SLC35F1: variants seen among roughly 807,000 people sequenced by gnomAD.
SLC35F1 encodes solute carrier family 35 member F1, also known as chromosome 6 open reading frame 169.
Under a neutral mutation model 48.7 loss-of-function variants are expected in SLC35F1, and 14 were observed. The observed-to-expected ratio is 0.29, with a 90% confidence interval of 0.19 to 0.45. The LOEUF (loss-of-function observed/expected upper bound fraction) is 0.45. Among genes scored for constraint, SLC35F1 ranks in the 20% least tolerant of loss-of-function variants. The pLI is 1.00. For missense variants in SLC35F1, 404 were observed against 500.0 expected, an observed-to-expected ratio of 0.81 and a Z score of 1.83; for synonymous variants, 190 against 202.2, an observed-to-expected ratio of 0.94 and a Z score of 0.51.
rs1329104069 is a variant in SLC35F1 at position 118,316,577 on chromosome 6, TAGTA to T, written c.*2327_*2330del. On this transcript the variant is annotated 3_prime_UTR_variant, in exon 8 of 8. Coordinates refer to ENST00000360388, the MANE Select transcript of SLC35F1 (RefSeq NM_001029858.4). ...TTTATGACATTAATTTGTAGACACT[TAGTA>T]AAGTCTTATGAGAAGCAAGTGGATG... is the stretch of plus-strand genomic sequence containing the variant. The T allele has an allele frequency of 2.6e-5, 4 of 152,664 alleles. No individual in the cohort carries two copies. Among genetic ancestry groups the T allele is most frequent in the Non-Finnish European group, 2.9e-5 (2 of 68,044 alleles). 9.5% of individuals were successfully genotyped at this position (152,664 alleles called of 1,614,324 possible).
At chr6:117,987,884 G>T (rs1776867687) in intron 1 of SLC35F1, among the ~76,000 whole-genome samples, 1 of 152,070 alleles carries the variant, frequency 6.6e-6, no homozygotes, top group Non-Finnish European at 1.5e-5. Context: ...TATAAATTTT[G>T]CAGTCCAGGC....
chr6:118,186,043 C>A (rs1774652470), intron 2 of SLC35F1, among the ~76,000 whole-genome samples: 1 of 152,152 alleles, frequency 6.6e-6, no homozygotes, highest in African/African-American at 2.4e-5. Flanking sequence ...CTGCAATATA[C>A]AAGGTTGAGC....
In SLC35F1 at chr6:118,188,379, G is replaced by A. The variant is rs555940651; in HGVS notation, c.349+33759G>A. ...AGCCTGGCCAACATGGTGAAACCCC[G>A]TCTCTACTAAAAATACAAAAAGTAG... On this transcript the variant is annotated intron_variant, in intron 2 of 7. Transcript: ENST00000360388. Among the ~76,000 whole-genome samples the A allele has an allele frequency of 8.5e-5, 13 of 152,064 alleles. No individual in the cohort carries two copies. The South Asian group carries it at 1.5e-3, about 17-fold the overall frequency.
chr6:118,223,343 C>G (rs1775175586), intron 2 of SLC35F1, among the ~76,000 whole-genome samples: 1 of 152,206 alleles, frequency 6.6e-6, no homozygotes, highest in Admixed American at 6.5e-5. Flanking sequence ...CAAGCAGTTA[C>G]TGCGAGCCAG....
chr6:118,179,180 G>A (rs1774536144), intron 2 of SLC35F1, among the ~76,000 whole-genome samples: 1 of 151,948 alleles, frequency 6.6e-6, no homozygotes, highest in Non-Finnish European at 1.5e-5. Flanking sequence ...ACCAATAAGA[G>A]ACCATATATA....
intron 1 of SLC35F1, among the ~76,000 whole-genome samples, chr6:117,934,838 A>C (rs1203592955): frequency 6.6e-6 from 1 of 152,212 alleles, no homozygotes; most frequent in Non-Finnish European, 1.5e-5. Flanking sequence ...CGGGCATGGC[A>C]GCTCTCGCCT....
At chr6:118,154,684 A>C in intron 2 of SLC35F1, 64 bp downstream of exon 2, 1 of 1,463,362 alleles carries the variant, frequency 6.8e-7, no homozygotes, top group Non-Finnish European at 9.2e-7. Context: ...ATGAGCCATG[A>C]CCAGATAACG....
chr6:118,275,805 A>G (rs186553597), intron 5 of SLC35F1, among the ~76,000 whole-genome samples, 190 bp downstream of exon 5: 1 of 152,342 alleles, frequency 6.6e-6, no homozygotes, highest in East Asian at 1.9e-4. Flanking sequence ...AGTTTAATAT[A>G]AATTTTTACA....
At chr6:118,144,174 T>C (rs1268280488) in intron 1 of SLC35F1, among the ~76,000 whole-genome samples, 1 of 152,062 alleles carries the variant, frequency 6.6e-6, no homozygotes, top group Non-Finnish European at 1.5e-5. Context: ...ATAGCAATGA[T>C]ATGGAATCAA....
intron 1 of SLC35F1, chr6:117,999,290 A>G: frequency 6.3e-7 from 1 of 1,596,178 alleles, no homozygotes; most frequent in East Asian, 2.2e-5. Flanking sequence ...CAAGCTTGGG[A>G]AGCGTGCTCT....
rs149879230 is a variant in SLC35F1 at position 118,039,799 on chromosome 6, G to GTTTTTTTTTTTTTTTTT, written c.174-114638_174-114637insTTTTTTTTTTTTTTTTT. ...TTTAACATCTAAGCATCTCAGGATTGTTTTTTTTGTTTTTTTTTTTTGCTT... is the reference window on the plus strand; with the variant it reads ...TTTAACATCTAAGCATCTCAGGATTGTTTTTTTTTTTTTTTTTTTTTTTTTGTTTTTTTTTTTTGCTT... On this transcript the variant is annotated intron_variant, in intron 1 of 7. Transcript: ENST00000360388. Among the ~76,000 whole-genome samples the GTTTTTTTTTTTTTTTTT allele has an allele frequency of 1.2e-4, 13 of 106,848 alleles. 2 individuals carry two copies. Among genetic ancestry groups the GTTTTTTTTTTTTTTTTT allele is most frequent in the South Asian group, 1.1e-3 (3 of 2,794 alleles). The allele number at this position is 106,848 out of a possible 152,430, so 70.1% of individuals were successfully genotyped here.
At chr6:118,088,614 A>G (rs543235322) in intron 1 of SLC35F1, among the ~76,000 whole-genome samples, 12 of 152,320 alleles carry the variant, frequency 7.9e-5, no homozygotes, top group African/African-American at 2.6e-4. Flanking sequence ...TATATTCAAA[A>G]TAAATAGGAC....
At chr6:118,056,683 G>A (rs1372680458) in intron 1 of SLC35F1, among the ~76,000 whole-genome samples, 2 of 152,134 alleles carry the variant, frequency 1.3e-5, no homozygotes, top group Non-Finnish European at 2.9e-5. Context: ...TTCTAGTTCG[G>A]TGAACCCAAG....
intron 1 of SLC35F1, among the ~76,000 whole-genome samples, chr6:118,127,819 T>A (rs1284841220): frequency 2.0e-5 from 3 of 150,656 alleles, no homozygotes; most frequent in Non-Finnish European, 4.5e-5. Flanking sequence ...TGGGATCTAA[T>A]TAAACTAAAG....
At chr6:118,168,730 T>C (rs1241995262) in intron 2 of SLC35F1, among the ~76,000 whole-genome samples, 1 of 152,210 alleles carries the variant, frequency 6.6e-6, no homozygotes, top group Non-Finnish European at 1.5e-5. Flanking sequence ...CTGGCTTTAC[T>C]CCTTTTCCTG....
intron 2 of SLC35F1, among the ~76,000 whole-genome samples, chr6:118,206,008 A>G (rs1356414651): frequency 1.3e-5 from 2 of 152,252 alleles, no homozygotes; most frequent in Non-Finnish European, 2.9e-5. Flanking sequence ...GTTATTTTTT[A>G]TGGGGTACAG....
chr6:118,112,835 A>G (rs771986871), intron 1 of SLC35F1, among the ~76,000 whole-genome samples: 10 of 152,190 alleles, frequency 6.6e-5, no homozygotes, highest in Admixed American at 6.6e-4. Context: ...CAACAAATAG[A>G]AAACACTTAC....
intron 6 of SLC35F1, among the ~76,000 whole-genome samples, chr6:118,281,175 A>ACTCTCTCTCT (rs745677823): frequency 1.9e-4 from 26 of 137,694 alleles, no homozygotes; most frequent in Non-Finnish European, 3.4e-4. Flanking sequence ...ATATATAGTA[A>ACTCTCTCTCT]CTCTCTCTCT....
At chr6:118,179,948 G>A (rs138624444) in intron 2 of SLC35F1, among the ~76,000 whole-genome samples, 9 of 152,216 alleles carry the variant, frequency 5.9e-5, no homozygotes, top group Admixed American at 1.3e-4. Context: ...GTGAAATGTT[G>A]GACCAGAGAC....
Sources: gnomAD v4.1 joint callset for allele counts (sites outside exome capture counted in the v4.1 genomes callset) on GRCh38, gnomAD v4.1.1 for gene constraint, MANE v1.5 for transcripts, NCBI Gene and HGNC (gene_info 2026-07-23, HGNC 2026-07-21) for gene names.